The following KLK11 variants were observed in gnomAD, a reference collection of about 807,000 sequenced individuals.
KLK11 encodes kallikrein-11.
Under a neutral mutation model 23.4 loss-of-function variants are expected in KLK11, and 10 were observed. The observed-to-expected ratio is 0.43, with a 90% CI of 0.26 to 0.73. The LOEUF is 0.73. KLK11 is among the 30% of genes least tolerant of loss of function. The pLI is 0.22. For synonymous variants in KLK11, 131 were observed against 131.7 expected (o/e 0.99, Z 0.03); for missense variants, 285 against 327.8 (o/e 0.87, Z 1.01).
At chr19:51,027,405 C>A, upstream of KLK11, 1 of 1,587,242 alleles carries the variant, frequency 6.3e-7, no homozygotes, top group Non-Finnish European at 8.6e-7. Flanking sequence ...GACCCTTCCC[C>A]TGCCCGCTTC....
In KLK11 at chr19:51,024,581, A is replaced by C; in HGVS notation, c.197+57T>G. 1 of 1,436,566 alleles carries C rather than the reference A, an allele frequency of 7.0e-7. No homozygotes were observed. The allele number at this position is 1,436,566 out of a possible 1,614,324, so 89.0% of individuals were successfully genotyped here. A position where few individuals can be genotyped will look rare whatever the true frequency, so the allele number is the denominator to read the frequency against. On this transcript the variant is annotated intron_variant, in intron 3 of 5. Coordinates refer to ENST00000453757, the MANE Select transcript of KLK11 (RefSeq NM_001136032.3). This position sits in a 1 kb window ranked among gnomAD's most constrained non-coding sequence, Gnocchi z 6.2. The stretch of plus-strand genomic sequence containing the variant: ...CACCCCTATCCCTGAGCTTCTCTCC[A>C]TCCATCTCCCCATTCCCAGCCCCCC...
rs1351657002 is a variant in KLK11, at chr19:51,025,007, C to T, written c.41-213G>A. ...ATGCAGTGGCTCATGCCTGTAATCC[C>T]AGCACTTTGAGAGGCTAAGGTGGGA... On this transcript the variant is annotated intron_variant, in intron 2 of 5. Coordinates refer to ENST00000453757, the MANE Select transcript of KLK11 (RefSeq NM_001136032.3). This position sits in a 1 kb window ranked among gnomAD's most constrained non-coding sequence, Gnocchi z 6.2. 2.0e-5 allele frequency among the ~76,000 whole-genome samples: 3 copies of T among 152,108 alleles called. No individual in the cohort carries two copies. The highest frequency in any genetic ancestry group is 7.2e-5 in the African/African-American group (3 of 41,408).
In KLK11 at chr19:51,022,534, G is replaced by A; in HGVS notation, c.*11C>T. 1.9e-6 allele frequency: 3 copies of A among 1,614,074 alleles called. No homozygotes were observed. The highest frequency in any genetic ancestry group is 2.5e-6 in the Non-Finnish European group (3 of 1,179,980). On this transcript the variant is annotated 3_prime_UTR_variant, in exon 6 of 6. Coordinates refer to ENST00000453757, the MANE Select transcript of KLK11 (RefSeq NM_001136032.3). ...AATGGAGGGTGATGGGCTGTGGTGG[G>A]TGGGTCCAGTCTAATTGTTCTTCAT...
Position 51,023,142 on chromosome 19 carries a change from CTGT to C in KLK11, c.547_549del (p.Thr183del). ...TGCACGCTGGCACACACCATGGTGT[CTGT>C]GATGTTGCCGGGGTAGGCGTTCTCA... is the stretch of plus-strand genomic sequence containing the variant. On this transcript the variant is annotated inframe_deletion, in exon 5 of 6. Transcript: ENST00000453757. 1 of 1,613,374 alleles carries C rather than the reference CTGT, an allele frequency of 6.2e-7. No homozygotes were observed. The highest frequency in any genetic ancestry group is 8.5e-7 in the Non-Finnish European group (1 of 1,179,738).
intron 4 of KLK11, chr19:51,023,442 T>C (rs1333337149): frequency 2.0e-6 from 1 of 504,776 alleles, no homozygotes; most frequent in African/African-American, 2.0e-5. Flanking sequence ...TGGAGTGCAG[T>C]GGCGTGATCT....
At position 51,023,233 on chromosome 19, in the gene KLK11, G is replaced by A. The variant is rs2091429412; in HGVS notation, c.464-5C>T. 1 of 1,611,720 alleles carries A rather than the reference G, an allele frequency of 6.2e-7. No individual in the cohort carries two copies. The highest frequency in any genetic ancestry group is 8.5e-7 in the Non-Finnish European group (1 of 1,179,454). ...GCAAGGTGTGAGGCAGGCGTACTGTGGAAACAGCGTGAGGGGCTGTGGGAA... is the reference window on the plus strand; with the variant it reads ...GCAAGGTGTGAGGCAGGCGTACTGTAGAAACAGCGTGAGGGGCTGTGGGAA... On this transcript the variant is annotated splice_polypyrimidine_tract_variant and splice_region_variant and intron_variant, in intron 4 of 5. Transcript: ENST00000453757.
In KLK11 at chr19:51,023,370, G is replaced by A; in HGVS notation, c.464-142C>T. On this transcript the variant is annotated intron_variant, in intron 4 of 5. Coordinates refer to ENST00000453757, the MANE Select transcript of KLK11 (RefSeq NM_001136032.3). The stretch of plus-strand genomic sequence containing the variant: ...CTCTCTTCTTGTAACAATAGCAACA[G>A]CAATGCTATCCAGCTTTTTTTTTTT... The A allele has an allele frequency of 3.8e-6, 3 of 793,554 alleles. No individual in the cohort carries two copies. In the East Asian group the frequency reaches 8.7e-5, roughly 23 times the overall value. The allele number at this position is 793,554 out of a possible 1,614,324, so 49.2% of individuals were successfully genotyped here.
chr19:51,023,224 G>T lies in KLK11; in HGVS notation c.468C>A (p.Arg156=). ...GWGSTSSPQL[R]LPHTLRCANI... ...TGGCGCATCGCAAGGTGTGAGGCAG[G>T]CGTACTGTGGAAACAGCGTGAGGGG... Residue 156 remains arginine (R), a synonymous_variant, in exon 5 of 6, where the codon CGC becomes CGA. Coordinates refer to ENST00000453757, the MANE Select transcript of KLK11 (RefSeq NM_001136032.3). 1 of 1,612,490 alleles carries T rather than the reference G, an allele frequency of 6.2e-7. No individual in the cohort carries two copies. The highest frequency in any genetic ancestry group is 8.5e-7 in the Non-Finnish European group (1 of 1,179,654).
Position 51,024,446 on chromosome 19 carries a change from TC to T in KLK11, c.198-137del. 7.0e-7 allele frequency: 1 copy of T among 1,418,588 alleles called. No individual in the cohort carries two copies. Among genetic ancestry groups the T allele is most frequent in the Admixed American group, 2.2e-5 (1 of 46,478 alleles). 87.9% of individuals were successfully genotyped at this position (1,418,588 alleles called of 1,614,324 possible). A position where few individuals can be genotyped will look rare whatever the true frequency, so the allele number is the denominator to read the frequency against. On this transcript the variant is annotated intron_variant, in intron 3 of 5. Coordinates refer to ENST00000453757, the MANE Select transcript of KLK11 (RefSeq NM_001136032.3). The surrounding 1 kb of genome is among the most constrained non-coding windows in gnomAD (Gnocchi z 6.2). ...TCCACGTCTCCCACCGAAGCCCCCT[TC>T]CCAGCCATAGCCCCATCCCAACCCC...
rs900264581 is a variant in KLK11 at position 51,024,046 on chromosome 19, C to A, written c.462G>T (p.Gln154His). 10 of 1,533,580 alleles carry A rather than the reference C, an allele frequency of 6.5e-6. No homozygotes were observed. The highest frequency in any genetic ancestry group is 1.9e-5 in the Admixed American group (1 of 52,642). The allele number at this position is 1,533,580 out of a possible 1,614,324, so 95.0% of individuals were successfully genotyped here. ...ISGWGSTSSP[Q>H]LRLPHTLRCA... The stretch of plus-strand genomic sequence containing the variant: ...CAGGTTCCCCTCTGGTGCTCCTACA[C>A]TGGGGGCTGGACGTGCTGCCCCAGC... The change falls in exon 4 of 6, where the codon CAG becomes CAT. Residue 154 changes from glutamine to histidine, a missense_variant and splice_region_variant. Gln to His is a conservative substitution (Grantham distance 24). Transcript: ENST00000453757. The surrounding 1 kb of genome is among the most constrained non-coding windows in gnomAD (Gnocchi z 6.2).
In KLK11 at chr19:51,022,486, A is replaced by C; in HGVS notation, c.*59T>G. On this transcript the variant is annotated 3_prime_UTR_variant, in exon 6 of 6. Coordinates refer to ENST00000453757, the MANE Select transcript of KLK11 (RefSeq NM_001136032.3). ...TTAGGGTTTCTTATTAACAGAGTGAACAGGAACCAAACACCAAGTGGAAAT... is the reference window on the plus strand; with the variant it reads ...TTAGGGTTTCTTATTAACAGAGTGACCAGGAACCAAACACCAAGTGGAAAT... 1.9e-6 allele frequency: 3 copies of C among 1,604,474 alleles called. No homozygotes were observed. The highest frequency in any genetic ancestry group is 2.6e-6 in the Non-Finnish European group (3 of 1,171,444).
rs558542231 is a variant in KLK11 at position 51,026,571 on chromosome 19, G to A, written c.-69C>T. On this transcript the variant is annotated 5_prime_UTR_variant, in exon 1 of 6. Transcript: ENST00000453757. ...GGGCTGGGGCTCTGGGGGCCCAGTG[G>A]CGGCGGAGACGGCAGTGGCGGCAGC... 4.0e-5 allele frequency: 39 copies of A among 986,604 alleles called. No homozygotes were observed. In the South Asian group the frequency reaches 1.5e-3, roughly 37 times the overall value. The allele number at this position is 986,604 out of a possible 1,614,324, so 61.1% of individuals were successfully genotyped here.
chr19:51,022,541 C>T lies in KLK11; in HGVS notation c.*4G>A. On this transcript the variant is annotated 3_prime_UTR_variant, in exon 6 of 6. Transcript: ENST00000453757. ...GGTGATGGGCTGTGGTGGGTGGGTCCAGTCTAATTGTTCTTCATCGTCTCC... is the reference window on the plus strand; with the variant it reads ...GGTGATGGGCTGTGGTGGGTGGGTCTAGTCTAATTGTTCTTCATCGTCTCC... 3 of 1,614,150 alleles carry T rather than the reference C, an allele frequency of 1.9e-6. No homozygotes were observed. The highest frequency in any genetic ancestry group is 2.5e-6 in the Non-Finnish European group (3 of 1,180,042).
Position 51,025,690 on chromosome 19 carries a change from G to C in KLK11, c.-35-24C>G. On this transcript the variant is annotated intron_variant, in intron 1 of 5. Transcript: ENST00000453757. This position sits in a 1 kb window ranked among gnomAD's most constrained non-coding sequence, Gnocchi z 6.2. ...CTCTGGGAACAAGGAGGGACATGGG[G>C]CCGCATCACTTTACGGGGAAATCGG... 1 of 1,329,158 alleles carries C rather than the reference G, an allele frequency of 7.5e-7. No homozygotes were observed. Among genetic ancestry groups the C allele is most frequent in the Non-Finnish European group, 1.0e-6 (1 of 967,216 alleles). 82.3% of individuals were successfully genotyped at this position (1,329,158 alleles called of 1,614,324 possible).
chr19:51,024,248 C>G lies in KLK11; in HGVS notation c.260G>C (p.Arg87Pro), dbSNP rs140954965. ...LQKEEGCEQTRTATESFPHPG... is the reference protein window; with the variant it reads ...LQKEEGCEQTPTATESFPHPG... ...GTGGGGGAAGGACTCAGTGGCTGTC[C>G]GGGTCTGCTCACAGCCCTCCTCCTT... is the stretch of plus-strand genomic sequence containing the variant. The change falls in exon 4 of 6, where the codon CGG becomes CCG. Residue 87 changes from arginine (R) to proline (P), a missense_variant. Coordinates refer to ENST00000453757, the MANE Select transcript of KLK11 (RefSeq NM_001136032.3). The surrounding 1 kb of genome is among the most constrained non-coding windows in gnomAD (Gnocchi z 6.2). 6 of 1,613,906 alleles carry G rather than the reference C, an allele frequency of 3.7e-6. No homozygotes were observed. In the African/African-American group the frequency reaches 6.7e-5, roughly 18 times the overall value.
At position 51,024,069 on chromosome 19, in the gene KLK11, A is replaced by G; in HGVS notation, c.439T>C (p.Trp147Arg). The G allele has an allele frequency of 1.3e-6, 2 of 1,553,030 alleles. No individual in the cohort carries two copies. Among genetic ancestry groups the G allele is most frequent in the Non-Finnish European group, 1.7e-6 (2 of 1,144,704 alleles). Reference protein sequence around the residue: ...TAGTSCLISGWGSTSSPQLRL... With the variant: ...TAGTSCLISGRGSTSSPQLRL... ...CACTGGGGGCTGGACGTGCTGCCCCAGCCGGAAATGAGGCAGCTGGTGCCA... is the reference window on the plus strand; with the variant it reads ...CACTGGGGGCTGGACGTGCTGCCCCGGCCGGAAATGAGGCAGCTGGTGCCA... Residue 147 changes from tryptophan (W) to arginine (R), a missense_variant, in exon 4 of 6, where the codon TGG becomes CGG. Coordinates refer to ENST00000453757, the MANE Select transcript of KLK11 (RefSeq NM_001136032.3). This position sits in a 1 kb window ranked among gnomAD's most constrained non-coding sequence, Gnocchi z 6.2.
In KLK11 at chr19:51,024,026, TC is replaced by T; in HGVS notation, c.463+18del. The T allele has an allele frequency of 6.7e-7, 1 of 1,499,338 alleles. No individual in the cohort carries two copies. Among genetic ancestry groups the T allele is most frequent in the Middle Eastern group, 2.3e-4 (1 of 4,358 alleles). The allele number at this position is 1,499,338 out of a possible 1,614,324, so 92.9% of individuals were successfully genotyped here. A position where few individuals can be genotyped will look rare whatever the true frequency, so the allele number is the denominator to read the frequency against. The stretch of plus-strand genomic sequence containing the variant: ...CCCTCCTCACCACCCCCTGCCAGGT[TC>T]CCCTCTGGTGCTCCTACACTGGGGG... On this transcript the variant is annotated intron_variant, in intron 4 of 5. Coordinates refer to ENST00000453757, the MANE Select transcript of KLK11 (RefSeq NM_001136032.3). The surrounding 1 kb of genome is among the most constrained non-coding windows in gnomAD (Gnocchi z 6.2).
chr19:51,023,626 C>T (rs2091434311), intron 4 of KLK11: 1 of 217,030 alleles, frequency 4.6e-6, no homozygotes, highest in Admixed American at 5.3e-5. Flanking sequence ...CTCAGGTGAT[C>T]TTCCCACCTC....
At position 51,025,549 on chromosome 19, in the gene KLK11, A is replaced by G. The variant is rs191156997; in HGVS notation, c.40+43T>C. 3.6e-5 allele frequency: 49 copies of G among 1,350,182 alleles called. No individual in the cohort carries two copies. In the East Asian group the frequency reaches 1.3e-3, roughly 35 times the overall value. The allele number at this position is 1,350,182 out of a possible 1,614,324, so 83.6% of individuals were successfully genotyped here. A position where few individuals can be genotyped will look rare whatever the true frequency, so the allele number is the denominator to read the frequency against. On this transcript the variant is annotated intron_variant, in intron 2 of 5. Transcript: ENST00000453757. This position sits in a 1 kb window ranked among gnomAD's most constrained non-coding sequence, Gnocchi z 6.2. ...CACAGAGGGTTAGGGGATCCCAGAGATTCAAGAGGGAGGATCCTGCCCTGC... is the reference window on the plus strand; with the variant it reads ...CACAGAGGGTTAGGGGATCCCAGAGGTTCAAGAGGGAGGATCCTGCCCTGC...
Sources: allele counts gnomAD v4.1 joint callset (sites outside exome capture counted in the v4.1 genomes callset), GRCh38; gene constraint gnomAD v4.1.1; non-coding constraint Gnocchi (gnomAD v3.1); transcripts MANE v1.5; gene names NCBI Gene and HGNC (gene_info 2026-07-23, HGNC 2026-07-21).